PRKCA: variants seen among roughly 807,000 people sequenced by gnomAD.
The protein encoded by PRKCA is protein kinase C alpha, also known as protein kinase C alpha type.
Under a neutral mutation model 87.0 loss-of-function variants are expected in PRKCA, and 27 were observed. The ratio of observed to expected loss-of-function variants is 0.31; its 90% CI spans 0.23 to 0.43. The LOEUF is 0.43. Ranked by LOEUF, PRKCA falls within the 20% of genes least tolerant of loss-of-function variation. The pLI, the probability that PRKCA is intolerant of heterozygous loss-of-function variation, is 1.00. For synonymous variants in PRKCA, 329 were observed against 311.1 expected (o/e 1.06, Z -0.61); for missense variants, 518 against 852.3 (o/e 0.61, Z 4.88).
chr17:66,588,002 G>A (rs1234625063), intron 3 of PRKCA, among the ~76,000 whole-genome samples: 1 of 150,216 alleles, frequency 6.7e-6, no homozygotes, highest in Non-Finnish European at 1.5e-5. Flanking sequence ...TACTCAGAAG[G>A]GGAACTGCCA....
At chr17:66,432,169 G>A (rs935997294) in intron 2 of PRKCA, among the ~76,000 whole-genome samples, 2 of 152,128 alleles carry the variant, frequency 1.3e-5, no homozygotes, top group Non-Finnish European at 2.9e-5. Flanking sequence ...GCTGGGAGCC[G>A]ATCTTGTTTA....
intron 3 of PRKCA, among the ~76,000 whole-genome samples, chr17:66,578,311 CCATGGGTTTGTCCA>C (rs1196456325): frequency 7.9e-5 from 12 of 152,200 alleles, no homozygotes; most frequent in African/African-American, 2.9e-4. Context: ...GGTCATGTCC[CCATGGGTTTGTCCA>C]CATGGGTTTG....
chr17:66,693,459 T>C (rs1972832972), intron 8 of PRKCA, among the ~76,000 whole-genome samples: 1 of 152,262 alleles, frequency 6.6e-6, no homozygotes. Context: ...GCTTACGTTC[T>C]GTATCTATGG....
intron 2 of PRKCA, chr17:66,403,867 A>G (rs1389531653): frequency 6.6e-6 from 1 of 152,232 alleles, no homozygotes; most frequent in Admixed American, 6.5e-5. Flanking sequence ...TTGAATAAGT[A>G]AGCATTACTT....
At chr17:66,579,617 T>C (rs1969356213) in intron 3 of PRKCA, among the ~76,000 whole-genome samples, 1 of 152,130 alleles carries the variant, frequency 6.6e-6, no homozygotes, top group African/African-American at 2.4e-5. Flanking sequence ...GTGGTGGGAT[T>C]TGGACCCAGG....
At chr17:66,431,213 G>A (rs1240170324) in intron 2 of PRKCA, among the ~76,000 whole-genome samples, 1 of 152,126 alleles carries the variant, frequency 6.6e-6, no homozygotes, top group Non-Finnish European at 1.5e-5. Flanking sequence ...TGGGCTACTG[G>A]GTTTATTGTT....
intron 5 of PRKCA, among the ~76,000 whole-genome samples, chr17:66,654,178 A>C (rs9892147): frequency 0.63 from 94,930 of 151,604 alleles, 29,785 homozygotes; most frequent in African/African-American, 0.7. Flanking sequence ...AATGATCTCT[A>C]TGTGCCTGGC....
At chr17:66,516,698 C>T (rs1966981319) in intron 3 of PRKCA, among the ~76,000 whole-genome samples, 1 of 152,086 alleles carries the variant, frequency 6.6e-6, no homozygotes, top group Non-Finnish European at 1.5e-5. Context: ...AGGGTGGACT[C>T]ACCTTGGGAA....
At chr17:66,654,008 T>C (rs9915719) in intron 5 of PRKCA, among the ~76,000 whole-genome samples, 87,559 of 152,046 alleles carry the variant, frequency 0.58, 25,292 homozygotes, top group Admixed American at 0.6. Context: ...CATTGTTGCA[T>C]TAATTTTCCC....
At position 66,406,595 on chromosome 17, in the gene PRKCA, T is replaced by G. The variant is rs560537276; in HGVS notation, c.206-89606T>G. 1.1e-3 allele frequency among the ~76,000 whole-genome samples: 161 copies of G among 143,770 alleles called. 7 individuals carry two copies. The highest frequency in any genetic ancestry group is 3.8e-3 in the African/African-American group (151 of 39,820). 94.3% of individuals were successfully genotyped at this position (143,770 alleles called of 152,430 possible). On this transcript the variant is annotated intron_variant, in intron 2 of 16. Coordinates refer to ENST00000413366, the MANE Select transcript of PRKCA (RefSeq NM_002737.3). ...TTGTAGCTTTTCCAGGTTTTTTTTT[T>G]TTTTTTTTTTTTTTAAATGTCATAG... is the stretch of plus-strand genomic sequence containing the variant.
intron 2 of PRKCA, among the ~76,000 whole-genome samples, chr17:66,352,557 G>GGT (rs1388623033): frequency 3.4e-4 from 31 of 90,296 alleles, no homozygotes; most frequent in Non-Finnish European, 6.7e-4. Flanking sequence ...TGTTTTTTGA[G>GGT]GTTTTTTTTT....
intron 2 of PRKCA, among the ~76,000 whole-genome samples, chr17:66,399,969 G>A (rs1349806774): frequency 3.9e-5 from 6 of 152,126 alleles, no homozygotes; most frequent in Non-Finnish European, 7.4e-5. Context: ...ATGCTCTAAT[G>A]AGCATTTCCT....
At chr17:66,485,341 G>T (rs893436631) in intron 2 of PRKCA, among the ~76,000 whole-genome samples, 7 of 152,162 alleles carry the variant, frequency 4.6e-5, no homozygotes, top group African/African-American at 1.7e-4. Context: ...ATTGCTTCTC[G>T]CAGTTTTCAG....
intron 3 of PRKCA, among the ~76,000 whole-genome samples, chr17:66,592,783 A>G (rs1227988272): frequency 1.3e-5 from 2 of 150,674 alleles, no homozygotes; most frequent in Non-Finnish European, 3.0e-5. Flanking sequence ...ACATCGATTC[A>G]TTTTTATTTA....
At chr17:66,730,874 A>G (rs1973868402) in intron 8 of PRKCA, among the ~76,000 whole-genome samples, 1 of 152,222 alleles carries the variant, frequency 6.6e-6, no homozygotes, top group African/African-American at 2.4e-5. Context: ...GTGGTGCTCC[A>G]AGAGGGACGA....
At chr17:66,327,299 G>A (rs918897589) in intron 2 of PRKCA, among the ~76,000 whole-genome samples, 11 of 150,654 alleles carry the variant, frequency 7.3e-5, no homozygotes, top group Admixed American at 4.0e-4. Flanking sequence ...CCCAGGAGGC[G>A]GAGCTTGCAG....
chr17:66,476,526 C>G (rs971399052), intron 2 of PRKCA, among the ~76,000 whole-genome samples: 1 of 152,208 alleles, frequency 6.6e-6, no homozygotes, highest in East Asian at 1.9e-4. Flanking sequence ...CTGGGAGGGC[C>G]GGGGAAGAAG....
intron 2 of PRKCA, 49 bp downstream of exon 2, chr17:66,306,176 A>G: frequency 1.3e-6 from 2 of 1,516,782 alleles, no homozygotes; most frequent in Non-Finnish European, 1.8e-6. Flanking sequence ...TGAAATAAGC[A>G]TTCCAAACAA....
chr17:66,581,025 C>A (rs1234462501), intron 3 of PRKCA, among the ~76,000 whole-genome samples: 1 of 152,046 alleles, frequency 6.6e-6, no homozygotes, highest in Admixed American at 6.6e-5. Flanking sequence ...GGAAGGTTAC[C>A]CATCCGGGGT....
Sources: allele counts gnomAD v4.1 joint callset (sites outside exome capture counted in the v4.1 genomes callset), GRCh38; gene constraint gnomAD v4.1.1; transcripts MANE v1.5; gene names NCBI Gene and HGNC (gene_info 2026-07-23, HGNC 2026-07-21).